STOM: variants seen among roughly 807,000 people sequenced by gnomAD.
STOM encodes stomatin.
In STOM, 25 loss-of-function variants were observed where a neutral mutation model predicts 30.6. That is an observed-to-expected ratio of 0.82 (90% CI 0.60 to 1.14). The LOEUF is 1.14. Ranked by LOEUF, STOM falls within the 50% of genes most tolerant of loss-of-function variation. The pLI is 0.00. For synonymous variants in STOM, 118 were observed against 130.8 expected (o/e 0.90, Z 0.67); for missense variants, 292 against 365.2 (o/e 0.80, Z 1.63).
At chr9:121,354,823 T>C (rs2064370183) in intron 2 of STOM, 150 bp from the exon 3 acceptor site, 5 of 563,610 alleles carry the variant, frequency 8.9e-6, no homozygotes, top group Non-Finnish European at 1.2e-5. Context: ...ACATGTCCAA[T>C]GTTTACCTTC....
intron 4 of STOM, among the ~76,000 whole-genome samples, chr9:121,352,579 C>T (rs2064348673): frequency 6.6e-6 from 1 of 152,170 alleles, no homozygotes; most frequent in African/African-American, 2.4e-5. Context: ...ATGCAAAGGG[C>T]CAACTGTAAT....
intron 1 of STOM, among the ~76,000 whole-genome samples, chr9:121,357,474 C>G (rs933279338): frequency 6.8e-5 from 7 of 102,420 alleles, no homozygotes; most frequent in African/African-American, 1.4e-4. Context: ...GAGTCTTGCT[C>G]TGTTGCCCAG....
In STOM at chr9:121,341,245, A is replaced by T; in HGVS notation, c.824T>A (p.Met275Lys). Reference sequence around the variant, plus strand: ...TTTTGCCCCTATGATTCCTTGCAGCATATCTATGGGCAGAGGGAAGACAAT... The same window carrying T: ...TTTTGCCCCTATGATTCCTTGCAGCTTATCTATGGGCAGAGGGAAGACAAT... ...STIVFPLPID[M>K]LQGIIGAKHS... Residue 275 changes from methionine to lysine, a missense_variant, in exon 7 of 7, where the codon ATG becomes AAG. Physicochemically the swap from Met to Lys is moderately conservative, Grantham distance 95. Transcript: ENST00000286713. 1 of 1,614,140 alleles carries T rather than the reference A, an allele frequency of 6.2e-7. No homozygotes were observed. Among genetic ancestry groups the T allele is most frequent in the Non-Finnish European group, 8.5e-7 (1 of 1,180,030 alleles).
chr9:121,346,752 A>C (rs1330939430), intron 6 of STOM, among the ~76,000 whole-genome samples: 5 of 152,222 alleles, frequency 3.3e-5, no homozygotes, highest in African/African-American at 1.2e-4. Flanking sequence ...GGAAAACCTA[A>C]ACATTTTGGT....
intron 1 of STOM, among the ~76,000 whole-genome samples, chr9:121,359,399 A>C (rs1245782926): frequency 6.6e-6 from 1 of 152,192 alleles, no homozygotes; most frequent in African/African-American, 2.4e-5. Flanking sequence ...CTTCATGTAT[A>C]CTTAAATAAA....
chr9:121,358,264 A>G (rs2134038672), intron 1 of STOM, among the ~76,000 whole-genome samples: 1 of 152,162 alleles, frequency 6.6e-6, no homozygotes, highest in Admixed American at 6.5e-5. Flanking sequence ...TGAGACCAGC[A>G]TGGGCAACCT....
At position 121,339,551 on chromosome 9, in the gene STOM, G is replaced by A; in HGVS notation, c.*1651C>T. The stretch of plus-strand genomic sequence containing the variant: ...CATTGGCTGGATGGACAGAGTGGTT[G>A]AGCTAAAGAGAGCTATAAAGGCTCG... On this transcript the variant is annotated 3_prime_UTR_variant, in exon 7 of 7. Coordinates refer to ENST00000286713, the MANE Select transcript of STOM (RefSeq NM_004099.6). 8.1e-7 allele frequency: 1 copy of A among 1,230,538 alleles called. No homozygotes were observed. Among genetic ancestry groups the A allele is most frequent in the Non-Finnish European group, 1.0e-6 (1 of 987,322 alleles). The allele number at this position is 1,230,538 out of a possible 1,614,324, so 76.2% of individuals were successfully genotyped here.
intron 1 of STOM, among the ~76,000 whole-genome samples, chr9:121,367,267 A>T (rs1369265893): frequency 1.3e-5 from 2 of 152,188 alleles, no homozygotes; most frequent in Non-Finnish European, 2.9e-5. Flanking sequence ...AAAAAAACTG[A>T]TTTTGAATTC....
intron 1 of STOM, among the ~76,000 whole-genome samples, chr9:121,358,773 T>G (rs917211023): frequency 1.3e-5 from 2 of 152,200 alleles, no homozygotes; most frequent in African/African-American, 4.8e-5. Flanking sequence ...CTTTGTTCGG[T>G]TTTCAACGTA....
intron 1 of STOM, among the ~76,000 whole-genome samples, chr9:121,366,507 A>G (rs971556308): frequency 2.6e-5 from 4 of 152,186 alleles, no homozygotes; most frequent in African/African-American, 9.7e-5. Context: ...TTTATTGATA[A>G]TATAAACCCA....
intron 6 of STOM, among the ~76,000 whole-genome samples, chr9:121,343,269 G>T (rs2064262036): frequency 6.6e-6 from 1 of 152,092 alleles, no homozygotes; most frequent in East Asian, 1.9e-4. Context: ...AATAATTAAT[G>T]GTCCATAATA....
Position 121,339,506 on chromosome 9 carries a change from G to A in STOM, c.*1696C>T. The A allele has an allele frequency of 4.9e-6, 6 of 1,221,958 alleles. No individual in the cohort carries two copies. The highest frequency in any genetic ancestry group is 6.1e-6 in the Non-Finnish European group (6 of 980,780). 75.7% of individuals were successfully genotyped at this position (1,221,958 alleles called of 1,614,324 possible). ...CTTCCTAAAATAAGCTTGAAATTGG[G>A]GTACAGGGGAAGGGACATCCATTGG... On this transcript the variant is annotated 3_prime_UTR_variant, in exon 7 of 7. Coordinates refer to ENST00000286713, the MANE Select transcript of STOM (RefSeq NM_004099.6).
intron 1 of STOM, among the ~76,000 whole-genome samples, chr9:121,366,565 C>G (rs2064505600): frequency 6.6e-6 from 1 of 151,834 alleles, no homozygotes; most frequent in East Asian, 1.9e-4. Context: ...AATGGCCATG[C>G]CCTAAAATCA....
chr9:121,361,777 A>G (rs1453574984), intron 1 of STOM, among the ~76,000 whole-genome samples: 1 of 152,200 alleles, frequency 6.6e-6, no homozygotes, highest in Admixed American at 6.5e-5. Context: ...CATAGTTTAG[A>G]GCAATGGTCC....
At chr9:121,350,568 G>A (rs1184259627) in intron 4 of STOM, among the ~76,000 whole-genome samples, 1 of 152,210 alleles carries the variant, frequency 6.6e-6, no homozygotes, top group Non-Finnish European at 1.5e-5. Flanking sequence ...ACAGCAGTGA[G>A]AGTTAGGAGA....
chr9:121,370,069 C>A, intron 1 of STOM, 58 bp downstream of exon 1: 1 of 1,469,714 alleles, frequency 6.8e-7, no homozygotes, highest in Non-Finnish European at 9.2e-7. Flanking sequence ...GACCTCGGAG[C>A]GCACGCTGCG....
At chr9:121,365,387 A>AAAAC (rs1182704414) in intron 1 of STOM, among the ~76,000 whole-genome samples, 1 of 152,196 alleles carries the variant, frequency 6.6e-6, no homozygotes, top group Non-Finnish European at 1.5e-5. Context: ...ATTGGAGAGA[A>AAAAC]AAACAATTTC....
chr9:121,349,368 T>G (rs2064318920), intron 4 of STOM, 45 bp from the exon 5 acceptor site: 1 of 1,553,804 alleles, frequency 6.4e-7, no homozygotes, highest in African/African-American at 1.4e-5. Flanking sequence ...ACGACTTTTT[T>G]TTAACATAAC....
In STOM at chr9:121,340,967, A is replaced by T; in HGVS notation, c.*235T>A. The stretch of plus-strand genomic sequence containing the variant: ...AGAGGGATCTAACCTACTACATAAT[A>T]ATCTAAAAATACAAACTTTTAACTA... On this transcript the variant is annotated 3_prime_UTR_variant, in exon 7 of 7. Transcript: ENST00000286713. 3 of 1,358,742 alleles carry T rather than the reference A, an allele frequency of 2.2e-6. No homozygotes were observed. Among genetic ancestry groups the T allele is most frequent in the Non-Finnish European group, 2.8e-6 (3 of 1,053,636 alleles). 84.2% of individuals were successfully genotyped at this position (1,358,742 alleles called of 1,614,324 possible). A position where few individuals can be genotyped will look rare whatever the true frequency, so the allele number is the denominator to read the frequency against.
Sources: gnomAD v4.1 joint callset for allele counts (sites outside exome capture counted in the v4.1 genomes callset) on GRCh38, gnomAD v4.1.1 for gene constraint, MANE v1.5 for transcripts, NCBI Gene and HGNC (gene_info 2026-07-23, HGNC 2026-07-21) for gene names.